Variants in SORCS1 observed in about 807,000 individuals in gnomAD.
SORCS1 encodes VPS10 domain-containing receptor SorCS1.
Under a neutral mutation model 146.1 loss-of-function variants are expected in SORCS1, and 60 were observed. The observed-to-expected ratio is 0.41, with a 90% confidence interval of 0.33 to 0.51. The LOEUF is 0.51. Among genes scored for constraint, SORCS1 ranks in the 20% least tolerant of loss-of-function variants. SORCS1 has a pLI of 0.21. For synonymous variants in SORCS1, 637 were observed against 584.0 expected, an observed-to-expected ratio of 1.09 and a Z score of -1.31; for missense variants, 1,352 against 1,487.6, an observed-to-expected ratio of 0.91 and a Z score of 1.50.
intron 1 of SORCS1, among the ~76,000 whole-genome samples, chr10:107,128,712 C>T (rs1966840167): frequency 6.6e-6 from 1 of 152,092 alleles, no homozygotes; most frequent in African/African-American, 2.4e-5. Flanking sequence ...ATCCTAATAC[C>T]CCTTTATCGT....
At chr10:107,084,373 GA>G in intron 1 of SORCS1, among the ~76,000 whole-genome samples, 1 of 151,910 alleles carries the variant, frequency 6.6e-6, no homozygotes, top group African/African-American at 2.4e-5. Flanking sequence ...AAAGTGCTGG[GA>G]TTACCGGCAT....
Position 106,715,330 on chromosome 10 carries a change from ACTGTG to A in SORCS1, c.1025-5994_1025-5990del. 2.6e-5 allele frequency among the ~76,000 whole-genome samples: 4 copies of A among 152,350 alleles called. No individual in the cohort carries two copies. In the South Asian group the frequency reaches 8.3e-4, roughly 32 times the overall value. On this transcript the variant is annotated intron_variant, in intron 6 of 25. Coordinates refer to ENST00000263054, the MANE Select transcript of SORCS1 (RefSeq NM_052918.5). ...TTTCCTTGCCATAGGTAATTAGGACACTGTGCTGTTCTTTTCAAGCATCTTCACTC... is the reference window on the plus strand; with the variant it reads ...TTTCCTTGCCATAGGTAATTAGGACACTGTTCTTTTCAAGCATCTTCACTC...
At chr10:106,597,575 G>T in intron 23 of SORCS1, 125 bp from the exon 24 acceptor site, 1 of 661,858 alleles carries the variant, frequency 1.5e-6, no homozygotes, top group Non-Finnish European at 2.5e-6. Context: ...ATATAAATAA[G>T]GTTTATATGA....
At chr10:106,745,138 G>C (rs1483633518) in intron 5 of SORCS1, among the ~76,000 whole-genome samples, 1 of 152,166 alleles carries the variant, frequency 6.6e-6, no homozygotes, top group African/African-American at 2.4e-5. Context: ...AACAATAAGG[G>C]CCAGGTGCGG....
chr10:106,861,460 T>C (rs1950013504), intron 2 of SORCS1, among the ~76,000 whole-genome samples: 1 of 151,206 alleles, frequency 6.6e-6, no homozygotes, highest in African/African-American at 2.4e-5. Context: ...ATGAAGTCAA[T>C]GTTACTTGGC....
At chr10:107,014,286 G>GAAAAAGAAAAAAAAA (rs201318292) in intron 1 of SORCS1, among the ~76,000 whole-genome samples, 1 of 143,038 alleles carries the variant, frequency 7.0e-6, no homozygotes, top group African/African-American at 2.7e-5. Flanking sequence ...AAGAAAAAAA[G>GAAAAAGAAAAAAAAA]AGAGAGAGAG....
Position 106,708,566 on chromosome 10 carries a change from G to A in SORCS1, c.1143+657C>T, listed in dbSNP as rs143942385. ...CTTGAATGCTGAAAAGCAGTGCAGC[G>A]TATTTGCTTCTTGTCTCTACTAACA... is the stretch of plus-strand genomic sequence containing the variant. On this transcript the variant is annotated intron_variant, in intron 7 of 25. Coordinates refer to ENST00000263054, the MANE Select transcript of SORCS1 (RefSeq NM_052918.5). Among the ~76,000 whole-genome samples the A allele has an allele frequency of 2.8e-3, 431 of 152,242 alleles. 1 individual carries two copies. Among genetic ancestry groups the A allele is most frequent in the East Asian group, 0.016 (82 of 5,182 alleles).
rs531485951 is a variant in SORCS1, at chr10:106,688,291, G to A, written c.1461C>T (p.Asn487=). The part of the protein sequence containing the change: ...GMFLANKKID[N]QVKTFITYNK... ...TATATGTGATGAAAGTCTTCACTTGGTTGTCAATCTTCTTGTTAGCCAAGA... is the reference window on the plus strand; with the variant it reads ...TATATGTGATGAAAGTCTTCACTTGATTGTCAATCTTCTTGTTAGCCAAGA... Residue 487 remains asparagine (N), a synonymous_variant, in exon 10 of 26, where the codon AAC becomes AAT. Transcript: ENST00000263054. 1.2e-6 allele frequency: 2 copies of A among 1,613,938 alleles called. No homozygotes were observed. The highest frequency in any genetic ancestry group is 1.7e-6 in the Non-Finnish European group (2 of 1,179,892).
intron 1 of SORCS1, among the ~76,000 whole-genome samples, chr10:107,075,387 A>G (rs916234965): frequency 1.4e-4 from 22 of 152,164 alleles, no homozygotes; most frequent in African/African-American, 5.3e-4. Context: ...TCTATGATGC[A>G]GTTTAAGTGC....
chr10:106,769,781 A>G (rs941975809), intron 4 of SORCS1, among the ~76,000 whole-genome samples: 1 of 152,178 alleles, frequency 6.6e-6, no homozygotes, highest in African/African-American at 2.4e-5. Flanking sequence ...TCATTTCTGA[A>G]GAGAATGCCA....
chr10:106,706,335 G>A (rs1036699785), intron 8 of SORCS1, among the ~76,000 whole-genome samples: 6 of 151,526 alleles, frequency 4.0e-5, no homozygotes, highest in South Asian at 2.1e-4. Flanking sequence ...AAGAGAGAGA[G>A]AGAAAGGAAG....
At chr10:106,662,650 T>C (rs1850822054) in intron 17 of SORCS1, among the ~76,000 whole-genome samples, 2 of 152,216 alleles carry the variant, frequency 1.3e-5, no homozygotes, top group South Asian at 4.1e-4. Context: ...CAGTGGCTGC[T>C]TAACTCTATA....
At chr10:107,088,997 A>G (rs1963972547) in intron 1 of SORCS1, among the ~76,000 whole-genome samples, 1 of 152,144 alleles carries the variant, frequency 6.6e-6, no homozygotes, top group Non-Finnish European at 1.5e-5. Context: ...TAGATACATT[A>G]ATCTAATTCA....
intron 2 of SORCS1, among the ~76,000 whole-genome samples, chr10:106,862,945 A>G (rs1302396154): frequency 2.0e-5 from 3 of 152,230 alleles, no homozygotes; most frequent in Admixed American, 2.0e-4. Flanking sequence ...AGAATTATAC[A>G]TTGTCAAATA....
At chr10:106,868,120 G>A (rs924449570) in intron 2 of SORCS1, among the ~76,000 whole-genome samples, 10 of 152,166 alleles carry the variant, frequency 6.6e-5, no homozygotes, top group Non-Finnish European at 1.2e-4. Flanking sequence ...TTACATCATA[G>A]TAAAGGGTTC....
intron 1 of SORCS1, among the ~76,000 whole-genome samples, chr10:107,079,209 G>GAGCA (rs935807671): frequency 6.7e-6 from 1 of 148,236 alleles, no homozygotes; most frequent in Non-Finnish European, 1.5e-5. Context: ...CTGGGCAACA[G>GAGCA]AGCAAGACTC....
chr10:107,164,398 G>A lies in SORCS1; in HGVS notation c.129C>T (p.Pro43=). The stretch of plus-strand genomic sequence containing the variant: ...TCGAGGCCGAGCGTGGAGCGGAGCT[G>A]GGGTGCGGCGAGGGGCAGCAGGAGC... The part of the protein sequence containing the change: ...GGGSCCPSPH[P]SSAPRSASTP... The change falls in exon 1 of 26, where the codon CCC becomes CCT. Residue 43 remains proline (P), a synonymous_variant. Coordinates refer to ENST00000263054, the MANE Select transcript of SORCS1 (RefSeq NM_052918.5). The surrounding 1 kb of genome is among the most constrained non-coding windows in gnomAD (Gnocchi z 6.8). The A allele has an allele frequency of 7.0e-7, 1 of 1,433,364 alleles. No individual in the cohort carries two copies. Among genetic ancestry groups the A allele is most frequent in the South Asian group, 1.5e-5 (1 of 66,768 alleles). 88.8% of individuals were successfully genotyped at this position (1,433,364 alleles called of 1,614,324 possible). A position where few individuals can be genotyped will look rare whatever the true frequency, so the allele number is the denominator to read the frequency against.
Position 106,612,344 on chromosome 10 carries a change from TC to T in SORCS1, c.2921-322del, listed in dbSNP as rs1156806311. On this transcript the variant is annotated intron_variant, in intron 21 of 25. Coordinates refer to ENST00000263054, the MANE Select transcript of SORCS1 (RefSeq NM_052918.5). ...CCCCCAGACTACCCCTGGCCCCCCT[TC>T]CCCCCTTCTCCTTTCCTCTGTCTCC... 1.1e-4 allele frequency among the ~76,000 whole-genome samples: 5 copies of T among 46,250 alleles called. No individual in the cohort carries two copies. The East Asian group carries it at 2.5e-3, about 23-fold the overall frequency. The allele number at this position is 46,250 out of a possible 152,430, so 30.3% of individuals were successfully genotyped here.
intron 3 of SORCS1, among the ~76,000 whole-genome samples, chr10:106,827,558 A>C (rs186451592): frequency 6.7e-4 from 102 of 152,322 alleles, no homozygotes; most frequent in East Asian, 5.8e-4. Context: ...TGTTAAATTA[A>C]ATTTGCTAAA....
Sources: allele counts gnomAD v4.1 joint callset (sites outside exome capture counted in the v4.1 genomes callset), GRCh38; gene constraint gnomAD v4.1.1; non-coding constraint Gnocchi (gnomAD v3.1); transcripts MANE v1.5; gene names NCBI Gene and HGNC (gene_info 2026-07-23, HGNC 2026-07-21).